The following EPHB1 variants were observed in gnomAD, a reference collection of about 807,000 sequenced individuals.
EPHB1 encodes EPH receptor B1.
EPHB1 carries 30 observed loss-of-function variants against 94.4 expected under a neutral mutation model. The observed-to-expected ratio is 0.32, with a 90% CI of 0.24 to 0.43. The LOEUF is 0.43. EPHB1 is among the 20% of genes least tolerant of loss of function. The probability of loss-of-function intolerance (pLI) is 1.00; values close to 1 mark genes in which losing one functional copy is unlikely to be tolerated. For synonymous variants in EPHB1, 522 were observed against 489.1 expected (o/e 1.07, Z -0.89); for missense variants, 1,055 against 1,308.3 (o/e 0.81, Z 2.99).
At chr3:134,939,440 T>TA (rs2039074491) in intron 2 of EPHB1, among the ~76,000 whole-genome samples, 3 of 152,114 alleles carry the variant, frequency 2.0e-5, no homozygotes, top group African/African-American at 7.2e-5. Context: ...ATCAAGCATA[T>TA]TGGAAGGTAA....
At chr3:135,066,187 CT>C (rs1937578301) in intron 3 of EPHB1, among the ~76,000 whole-genome samples, 1 of 152,178 alleles carries the variant, frequency 6.6e-6, no homozygotes, top group African/African-American at 2.4e-5. Context: ...AGGCAATGAT[CT>C]TTTTGCAATG....
chr3:134,864,865 G>A (rs896198834), intron 1 of EPHB1, among the ~76,000 whole-genome samples: 2 of 152,188 alleles, frequency 1.3e-5, no homozygotes, highest in Non-Finnish European at 2.9e-5. Flanking sequence ...GGGCTGTCCC[G>A]GAGTGGCTCA....
chr3:135,054,040 TACACACAC>T (rs1553727022), intron 3 of EPHB1, among the ~76,000 whole-genome samples: 104 of 139,868 alleles, frequency 7.4e-4, no homozygotes, highest in African/African-American at 2.8e-3. Context: ...TATATATATA[TACACACAC>T]ACACACACAC....
chr3:134,955,612 C>T (rs1479580556), intron 3 of EPHB1, among the ~76,000 whole-genome samples: 1 of 60,434 alleles, frequency 1.7e-5, no homozygotes, highest in South Asian at 6.0e-4. Context: ...CCCAGCCATC[C>T]CATTACTGGG....
At chr3:135,202,431 CA>C (rs144848275) in intron 12 of EPHB1, among the ~76,000 whole-genome samples, 13,483 of 152,028 alleles carry the variant, frequency 0.089, 703 homozygotes, top group South Asian at 0.15. Context: ...CATAGGGTAC[CA>C]AAAAATCTAT....
intron 12 of EPHB1, among the ~76,000 whole-genome samples, chr3:135,210,910 G>A (rs993299101): frequency 1.1e-4 from 16 of 152,230 alleles, no homozygotes; most frequent in African/African-American, 3.1e-4. Context: ...CAAATCAGCC[G>A]TCATCTTTGC....
chr3:135,175,955 G>C (rs888877727), intron 9 of EPHB1, among the ~76,000 whole-genome samples: 1 of 152,150 alleles, frequency 6.6e-6, no homozygotes, highest in African/African-American at 2.4e-5. Context: ...CTGGCAAGTG[G>C]GAGCAGGAAC....
intron 3 of EPHB1, among the ~76,000 whole-genome samples, chr3:134,990,271 C>T (rs917624128): frequency 1.3e-5 from 2 of 152,328 alleles, no homozygotes; most frequent in South Asian, 4.1e-4. Flanking sequence ...TATTTGCTGG[C>T]TGAATAATTC....
At chr3:134,933,044 C>G (rs1032397784) in intron 2 of EPHB1, among the ~76,000 whole-genome samples, 1 of 152,160 alleles carries the variant, frequency 6.6e-6, no homozygotes, top group African/African-American at 2.4e-5. Flanking sequence ...AAAGCAAAAC[C>G]CACTCTTGAA....
chr3:134,825,745 A>G (rs2036464930), intron 1 of EPHB1, among the ~76,000 whole-genome samples: 1 of 152,114 alleles, frequency 6.6e-6, no homozygotes, highest in African/African-American at 2.4e-5. Flanking sequence ...TCTGCATATT[A>G]GTATACTCCA....
intron 1 of EPHB1, among the ~76,000 whole-genome samples, chr3:134,801,817 A>AT: frequency 6.6e-6 from 1 of 152,274 alleles, no homozygotes; most frequent in Middle Eastern, 3.4e-3. Flanking sequence ...GGTCAGGACC[A>AT]TCTGCTCCAT....
intron 5 of EPHB1, among the ~76,000 whole-genome samples, chr3:135,150,138 C>T (rs1434704578): frequency 2.0e-5 from 3 of 152,184 alleles, no homozygotes; most frequent in Non-Finnish European, 2.9e-5. Context: ...GAACCAAGCC[C>T]GGCAAAATCC....
At chr3:135,161,916 C>A in intron 6 of EPHB1, 102 bp from the exon 7 acceptor site, 1 of 1,303,688 alleles carries the variant, frequency 7.7e-7, no homozygotes, top group South Asian at 1.5e-5. Context: ...AGCAGATATG[C>A]AGGACCAAGA....
rs377022835 is a variant in EPHB1, at chr3:135,214,570, G to C, written c.2346+12881G>C. On this transcript the variant is annotated intron_variant, in intron 12 of 15. Coordinates refer to ENST00000398015, the MANE Select transcript of EPHB1 (RefSeq NM_004441.5). The stretch of plus-strand genomic sequence containing the variant: ...GCTCCAGAGGTCTTTGTTCTGTGAC[G>C]AATTTCAGTCATCCCAGGTCATGGT... Among the ~76,000 whole-genome samples the C allele has an allele frequency of 1.4e-4, 21 of 152,244 alleles. 1 individual carries two copies. Among genetic ancestry groups the C allele is most frequent in the African/African-American group, 3.9e-4 (16 of 41,536 alleles).
chr3:134,804,472 A>T (rs1578098500), intron 1 of EPHB1, among the ~76,000 whole-genome samples: 1 of 152,084 alleles, frequency 6.6e-6, no homozygotes, highest in South Asian at 2.1e-4. Context: ...ATCCATATCA[A>T]TGTCCATCTA....
At chr3:135,044,323 T>C (rs920044438) in intron 3 of EPHB1, among the ~76,000 whole-genome samples, 1 of 152,188 alleles carries the variant, frequency 6.6e-6, no homozygotes, top group African/African-American at 2.4e-5. Context: ...CAAGCCATGC[T>C]TTCCTGGCAG....
intron 1 of EPHB1, among the ~76,000 whole-genome samples, chr3:134,875,392 C>T (rs1002057664): frequency 4.6e-5 from 7 of 152,210 alleles, no homozygotes; most frequent in Middle Eastern, 6.8e-3. Flanking sequence ...GCAATGGAGA[C>T]GGGCATGTGG....
chr3:134,821,051 G>A (rs2036370332), intron 1 of EPHB1, among the ~76,000 whole-genome samples: 2 of 152,320 alleles, frequency 1.3e-5, no homozygotes, highest in South Asian at 4.1e-4. Context: ...TGCTAATGGT[G>A]TAGTTCTGTC....
intron 5 of EPHB1, among the ~76,000 whole-genome samples, chr3:135,135,588 A>C (rs185588053): frequency 3.0e-4 from 45 of 152,290 alleles, no homozygotes; most frequent in African/African-American, 9.9e-4. Flanking sequence ...TGACATGTCT[A>C]ACCTTCCCAG....
Sources: allele counts gnomAD v4.1 joint callset (sites outside exome capture counted in the v4.1 genomes callset), GRCh38; gene constraint gnomAD v4.1.1; transcripts MANE v1.5; gene names NCBI Gene and HGNC (gene_info 2026-07-23, HGNC 2026-07-21).